Variants in MELTF observed in about 807,000 individuals in gnomAD.
MELTF encodes the protein antigen p97 (melanoma associated) identified by monoclonal antibodies 133.2 and 96.5.
Under a neutral mutation model 83.7 loss-of-function variants are expected in MELTF, and 67 were observed. That is an observed-to-expected ratio of 0.80 (90% CI 0.66 to 0.98). MELTF has a LOEUF of 0.98. Among genes scored for constraint, MELTF ranks in the 50% least tolerant of loss-of-function variants. The probability of loss-of-function intolerance (pLI) is 0.00; values close to 1 mark genes in which losing one functional copy is unlikely to be tolerated. For synonymous variants in MELTF, 462 were observed against 447.6 expected (o/e 1.03, Z -0.41); for missense variants, 1,002 against 1,035.6 (o/e 0.97, Z 0.44).
Position 197,017,390 on chromosome 3 carries a change from A to G in MELTF, c.713-100T>C, listed in dbSNP as rs1005710126. On this transcript the variant is annotated intron_variant, in intron 6 of 15. Transcript: ENST00000296350. ...GGAATCTGAGGGGTGGCTGGGTGTCATGGACATGAGAACCCAGCATTCAGA... is the reference window on the plus strand; with the variant it reads ...GGAATCTGAGGGGTGGCTGGGTGTCGTGGACATGAGAACCCAGCATTCAGA... 1.1e-5 allele frequency: 13 copies of G among 1,135,034 alleles called. No individual in the cohort carries two copies. In the African/African-American group the frequency reaches 1.4e-4, roughly 12 times the overall value. 70.3% of individuals were successfully genotyped at this position (1,135,034 alleles called of 1,614,324 possible). A position where few individuals can be genotyped will look rare whatever the true frequency, so the allele number is the denominator to read the frequency against.
chr3:197,023,753 A>G (rs1220955114), intron 4 of MELTF: 1 of 449,288 alleles, frequency 2.2e-6, no homozygotes, highest in African/African-American at 2.0e-5. Flanking sequence ...CCAGAGGAGT[A>G]GATATTTAAT....
At chr3:197,026,349 G>A in intron 3 of MELTF, 1 of 324,836 alleles carries the variant, frequency 3.1e-6, no homozygotes, top group Non-Finnish European at 5.8e-6. Flanking sequence ...ACCCAAGGCA[G>A]TTACGCACAC....
intron 9 of MELTF, among the ~76,000 whole-genome samples, chr3:197,012,825 C>T (rs909097130): frequency 2.0e-5 from 3 of 152,118 alleles, no homozygotes; most frequent in African/African-American, 7.2e-5. Flanking sequence ...TTCATGGGGG[C>T]CAAATCGAGT....
intron 9 of MELTF, among the ~76,000 whole-genome samples, chr3:197,014,556 T>C (rs926579378): frequency 6.6e-6 from 1 of 151,956 alleles, no homozygotes; most frequent in African/African-American, 2.4e-5. Context: ...CTCGGCTAAT[T>C]TTTTTGTACT....
At chr3:197,012,415 G>A (rs1719219072) in intron 9 of MELTF, among the ~76,000 whole-genome samples, 1 of 152,242 alleles carries the variant, frequency 6.6e-6, no homozygotes, top group African/African-American at 2.4e-5. Context: ...TCACTGTGTG[G>A]GGCATACGGG....
intron 6 of MELTF, chr3:197,019,572 CA>C (rs752437825): frequency 1.4e-4 from 227 of 1,576,472 alleles, no homozygotes; most frequent in Admixed American, 1.2e-3. Context: ...ACCCCCATCT[CA>C]AAAAAAACCC....
intron 8 of MELTF, 86 bp from the exon 9 acceptor site, chr3:197,015,602 T>C (rs1719340881): frequency 1.4e-6 from 2 of 1,423,782 alleles, no homozygotes; most frequent in Non-Finnish European, 1.9e-6. Context: ...ATTCTGGGCC[T>C]TTCTCCTGTC....
chr3:197,015,153 T>C (rs1042596811), intron 9 of MELTF, among the ~76,000 whole-genome samples: 3 of 151,386 alleles, frequency 2.0e-5, no homozygotes, highest in Non-Finnish European at 2.9e-5. Context: ...CTGGGGTGGG[T>C]GCTGGCCCCT....
intron 6 of MELTF, among the ~76,000 whole-genome samples, chr3:197,020,315 A>G (rs555568321): frequency 2.0e-5 from 3 of 152,350 alleles, no homozygotes; most frequent in Admixed American, 2.0e-4. Flanking sequence ...TGGGACGGTG[A>G]GTGAATCTGC....
chr3:197,019,259 C>T, intron 6 of MELTF: 1 of 1,025,400 alleles, frequency 9.8e-7, no homozygotes, highest in African/African-American at 1.7e-5. Context: ...CATTTGCCTT[C>T]CCACAGACAA....
chr3:197,016,470 C>T (rs1352852579), intron 7 of MELTF, 101 bp from the exon 8 acceptor site: 19 of 1,112,270 alleles, frequency 1.7e-5, no homozygotes, highest in Admixed American at 2.7e-5. Context: ...GACCTCAGAC[C>T]AGGCACCCAC....
chr3:197,004,203 A>T (rs1718894810), intron 14 of MELTF, 104 bp from the exon 15 acceptor site: 1 of 1,086,350 alleles, frequency 9.2e-7, no homozygotes, highest in Admixed American at 1.7e-5. Context: ...TGACCCAAAG[A>T]GCAAGTCATT....
At chr3:197,027,003 TATC>T in intron 2 of MELTF, 1 of 514,632 alleles carries the variant, frequency 1.9e-6, no homozygotes, top group Non-Finnish European at 3.5e-6. Flanking sequence ...AGGACTCAGA[TATC>T]ATAGTAAAAA....
chr3:197,008,547 G>T lies in MELTF; in HGVS notation c.1750+110C>A. 1 of 1,247,824 alleles carries T rather than the reference G, an allele frequency of 8.0e-7. No individual in the cohort carries two copies. The highest frequency in any genetic ancestry group is 1.1e-6 in the Non-Finnish European group (1 of 885,912). The allele number at this position is 1,247,824 out of a possible 1,614,324, so 77.3% of individuals were successfully genotyped here. A position where few individuals can be genotyped will look rare whatever the true frequency, so the allele number is the denominator to read the frequency against. ...CAGGGGGCACAGCCTTCTAGACTCA[G>T]CCTCTCTGAGCTGCTGCTTGGCCCC... On this transcript the variant is annotated intron_variant, in intron 13 of 15. Transcript: ENST00000296350. This position sits in a 1 kb window ranked among gnomAD's most constrained non-coding sequence, Gnocchi z 5.4.
intron 6 of MELTF, among the ~76,000 whole-genome samples, chr3:197,018,154 C>G (rs964197015): frequency 1.8e-4 from 27 of 152,070 alleles, no homozygotes; most frequent in African/African-American, 5.6e-4. Context: ...CTCACCCCCC[C>G]TTTTTCTTTT....
chr3:197,014,800 G>A (rs553386837), intron 9 of MELTF, among the ~76,000 whole-genome samples: 55 of 152,258 alleles, frequency 3.6e-4, no homozygotes, highest in African/African-American at 1.2e-3. Flanking sequence ...TTCTCCACAC[G>A]GAGAAATGAG....
In MELTF at chr3:197,027,684, A is replaced by C. The variant is rs112369667; in HGVS notation, c.204+72T>G. 990 of 1,501,370 alleles carry C rather than the reference A, an allele frequency of 6.6e-4. 1 individual carries two copies. Among genetic ancestry groups the C allele is most frequent in the Admixed American group, 8.8e-4 (46 of 52,214 alleles). 93.0% of individuals were successfully genotyped at this position (1,501,370 alleles called of 1,614,324 possible). A position where few individuals can be genotyped will look rare whatever the true frequency, so the allele number is the denominator to read the frequency against. Reference sequence around the variant, plus strand: ...GGCGAGGTCGGCTCCTTTCCTGGTGAATGGGGCTGTTGTGTGCTCCCTCCT... The same window carrying C: ...GGCGAGGTCGGCTCCTTTCCTGGTGCATGGGGCTGTTGTGTGCTCCCTCCT... On this transcript the variant is annotated intron_variant, in intron 2 of 15. Coordinates refer to ENST00000296350, the MANE Select transcript of MELTF (RefSeq NM_005929.6).
Position 197,003,500 on chromosome 3 carries a change from C to A in MELTF, c.2138-49G>T. 1 of 1,028,302 alleles carries A rather than the reference C, an allele frequency of 9.7e-7. No homozygotes were observed. Among genetic ancestry groups the A allele is most frequent in the Non-Finnish European group, 1.2e-6 (1 of 855,982 alleles). 63.7% of individuals were successfully genotyped at this position (1,028,302 alleles called of 1,614,324 possible). A position where few individuals can be genotyped will look rare whatever the true frequency, so the allele number is the denominator to read the frequency against. The stretch of plus-strand genomic sequence containing the variant: ...GGCCCCGAAGCCCGGGCCGCGGTGG[C>A]CGCCTCAGGCGCCCGCTCTGGGGTG... On this transcript the variant is annotated intron_variant, in intron 15 of 15. Transcript: ENST00000296350. The surrounding 1 kb of genome is among the most constrained non-coding windows in gnomAD (Gnocchi z 6.2).
At chr3:197,017,609 G>A (rs1017783470) in intron 6 of MELTF, among the ~76,000 whole-genome samples, 35 of 152,258 alleles carry the variant, frequency 2.3e-4, no homozygotes, top group Admixed American at 3.9e-4. Flanking sequence ...CGGGCGTGGT[G>A]GCTCACGCCT....
Sources: allele counts gnomAD v4.1 joint callset (sites outside exome capture counted in the v4.1 genomes callset), GRCh38; gene constraint gnomAD v4.1.1; non-coding constraint Gnocchi (gnomAD v3.1); transcripts MANE v1.5; gene names NCBI Gene and HGNC (gene_info 2026-07-23, HGNC 2026-07-21).